Variants in LRRC4B observed in about 807,000 individuals in gnomAD.
LRRC4B encodes the protein leucine rich repeat containing 4B.
In LRRC4B, 1 loss-of-function variant was observed where a neutral mutation model predicts 7.3. The ratio of observed to expected loss-of-function variants is 0.14; its 90% CI spans 0.05 to 0.65. The LOEUF (loss-of-function observed/expected upper bound fraction) is 0.65. LRRC4B is among the 30% of genes least tolerant of loss of function. The pLI, the probability that LRRC4B is intolerant of heterozygous loss-of-function variation, is 0.84. For synonymous variants in LRRC4B, 500 were observed against 499.2 expected (o/e 1.00, Z -0.02); for missense variants, 730 against 1,041.6 (o/e 0.70, Z 4.12).
rs759247963 is a variant in LRRC4B, at chr19:50,518,246, C to T, written c.1467G>A (p.Thr489=). 8 of 1,606,434 alleles carry T rather than the reference C, an allele frequency of 5.0e-6. No homozygotes were observed. The highest frequency in any genetic ancestry group is 1.7e-4 in the Middle Eastern group (1 of 6,052). The change falls in exon 3 of 3, where the codon ACG becomes ACA. Residue 489 remains threonine, a synonymous_variant. Coordinates refer to ENST00000652263, the MANE Select transcript of LRRC4B (RefSeq NM_001080457.2). ...GGSGGYTYFT[T]VTVETLETQP... is the part of the protein sequence containing the mutation. ...GCGTCTCCAGGGTCTCCACGGTCAC[C>T]GTGGTGAAGTAGGTGTAGCCGCCAC...
chr19:50,520,247 AG>A lies in LRRC4B; in HGVS notation c.298-833del, dbSNP rs1568716047. Among the ~76,000 whole-genome samples, 110 of 16,100 alleles carry A rather than the reference AG, an allele frequency of 6.8e-3. 1 individual carries two copies. The highest frequency in any genetic ancestry group is 0.045 in the Middle Eastern group (1 of 22). 10.6% of individuals were successfully genotyped at this position (16,100 alleles called of 152,430 possible). ...AAAAAAAAAAAAAAAAAAAAAAAAA[AG>A]AAGAAAAGAAAAGAAAAATGAACAA... On this transcript the variant is annotated intron_variant, in intron 2 of 2. Coordinates refer to ENST00000652263, the MANE Select transcript of LRRC4B (RefSeq NM_001080457.2).
At chr19:50,551,769 T>C (rs1305036009) in intron 1 of LRRC4B, among the ~76,000 whole-genome samples, 2 of 151,154 alleles carry the variant, frequency 1.3e-5, no homozygotes, top group Non-Finnish European at 3.0e-5. Flanking sequence ...TTGGTCCCTT[T>C]CTCCCCGGCT....
intron 2 of LRRC4B, among the ~76,000 whole-genome samples, chr19:50,530,931 G>GCA (rs372324742): frequency 3.0e-5 from 4 of 132,384 alleles, no homozygotes; most frequent in African/African-American, 1.5e-4. Context: ...AGAAACCTGG[G>GCA]GGGGGGGGGT....
intron 2 of LRRC4B, among the ~76,000 whole-genome samples, chr19:50,520,705 G>A (rs181426088): frequency 2.0e-5 from 3 of 152,010 alleles, no homozygotes; most frequent in Non-Finnish European, 4.4e-5. Flanking sequence ...GGGAGGCCAA[G>A]GTGAGAGGAT....
chr19:50,542,786 A>T (rs559070427), intron 2 of LRRC4B, among the ~76,000 whole-genome samples: 1 of 152,010 alleles, frequency 6.6e-6, no homozygotes, highest in East Asian at 1.9e-4. Context: ...ATGATATTTT[A>T]AAAAACACAT....
chr19:50,538,559 G>GTTTTTTTTTTTTTT (rs71886675), intron 2 of LRRC4B, among the ~76,000 whole-genome samples: 6 of 90,324 alleles, frequency 6.6e-5, no homozygotes, highest in Non-Finnish European at 1.4e-4. Context: ...GTTTTGTCTT[G>GTTTTTTTTTTTTTT]TTTTTTTTTT....
chr19:50,525,078 G>A (rs117533865), intron 2 of LRRC4B, among the ~76,000 whole-genome samples: 191 of 152,312 alleles, frequency 1.3e-3, no homozygotes, highest in Non-Finnish European at 1.8e-3. Flanking sequence ...ACCCATCGCC[G>A]TTCCCCGTGG....
At chr19:50,566,234 G>A (rs1004776132) in intron 1 of LRRC4B, among the ~76,000 whole-genome samples, 1 of 151,990 alleles carries the variant, frequency 6.6e-6, no homozygotes, top group South Asian at 2.1e-4. Flanking sequence ...GACCAGGAGG[G>A]AAGCCGGCTC....
chr19:50,531,450 G>T lies in LRRC4B; in HGVS notation c.298-12035C>A, dbSNP rs1165720647. 2.6e-5 allele frequency among the ~76,000 whole-genome samples: 4 copies of T among 152,338 alleles called. No individual in the cohort carries two copies. In the East Asian group the frequency reaches 5.8e-4, roughly 22 times the overall value. On this transcript the variant is annotated intron_variant, in intron 2 of 2. Transcript: ENST00000652263. ...GCAGTGACCCAGCTGCAGAGGGAAG[G>T]GGGTGTGAAGGGAGATGAAGGGACA...
chr19:50,520,917 T>C (rs1980550669), intron 2 of LRRC4B, among the ~76,000 whole-genome samples: 2 of 152,196 alleles, frequency 1.3e-5, no homozygotes, highest in South Asian at 4.1e-4. Flanking sequence ...TGAAGGCAGA[T>C]GTCCACGCAA....
intron 1 of LRRC4B, among the ~76,000 whole-genome samples, chr19:50,558,200 TACACACAC>T (rs71182737): frequency 1.5e-4 from 22 of 147,592 alleles, no homozygotes; most frequent in African/African-American, 4.7e-4. Context: ...ACTGTATACA[TACACACAC>T]ACACACACAC....
At chr19:50,565,526 C>T (rs1405031545) in intron 1 of LRRC4B, among the ~76,000 whole-genome samples, 3 of 147,230 alleles carry the variant, frequency 2.0e-5, no homozygotes, top group Non-Finnish European at 3.0e-5. Flanking sequence ...TGTGTGCTCT[C>T]GTGTGTGTGT....
At chr19:50,562,436 G>A (rs1982498357) in intron 1 of LRRC4B, among the ~76,000 whole-genome samples, 1 of 152,222 alleles carries the variant, frequency 6.6e-6, no homozygotes, top group Admixed American at 6.5e-5. Flanking sequence ...CCTGGCTCGT[G>A]GCATGCTCTC....
At chr19:50,562,181 T>A (rs1982489701) in intron 1 of LRRC4B, among the ~76,000 whole-genome samples, 1 of 151,724 alleles carries the variant, frequency 6.6e-6, no homozygotes, top group Non-Finnish European at 1.5e-5. Flanking sequence ...CATTCTCCTC[T>A]CTTGGCCTCA....
At chr19:50,566,531 G>A (rs1234473962) in intron 1 of LRRC4B, among the ~76,000 whole-genome samples, 1 of 151,002 alleles carries the variant, frequency 6.6e-6, no homozygotes, top group African/African-American at 2.4e-5. Context: ...GAGCAGAGGT[G>A]AGGAGGTCTG....
rs532216155 is a variant in LRRC4B at position 50,545,721 on chromosome 19, CTT to C, written c.297+2819_297+2820del. Among the ~76,000 whole-genome samples, 157 of 131,950 alleles carry C rather than the reference CTT, an allele frequency of 1.2e-3. 1 individual carries two copies. The highest frequency in any genetic ancestry group is 3.2e-3 in the African/African-American group (111 of 35,234). The allele number at this position is 131,950 out of a possible 152,430, so 86.6% of individuals were successfully genotyped here. ...TATTTGGATAACTAAAGAGTTATTA[CTT>C]TTTTTTTTTTTTTTTTTTTTAAGAC... is the stretch of plus-strand genomic sequence containing the variant. On this transcript the variant is annotated intron_variant, in intron 2 of 2. Transcript: ENST00000652263.
In LRRC4B at chr19:50,533,389, G is replaced by A. The variant is rs146553709; in HGVS notation, c.298-13974C>T. The stretch of plus-strand genomic sequence containing the variant: ...CATGCATACCTAAAGACCAAAGCCA[G>A]TTAATTCTTCTCTTCTCCTCCCAAA... On this transcript the variant is annotated intron_variant, in intron 2 of 2. Transcript: ENST00000652263. 6.8e-3 allele frequency among the ~76,000 whole-genome samples: 1,034 copies of A among 152,212 alleles called. 7 individuals carry two copies. The highest frequency in any genetic ancestry group is 0.011 in the Non-Finnish European group (721 of 68,028).
intron 1 of LRRC4B, among the ~76,000 whole-genome samples, chr19:50,561,564 C>A (rs1270289292): frequency 1.3e-5 from 2 of 151,614 alleles, no homozygotes; most frequent in Non-Finnish European, 2.9e-5. Context: ...TGAGAACCCC[C>A]TCTCTACAAA....
chr19:50,554,680 A>G (rs540522924), intron 1 of LRRC4B, among the ~76,000 whole-genome samples: 1 of 152,310 alleles, frequency 6.6e-6, no homozygotes, highest in African/African-American at 2.4e-5. Context: ...TCCAACACAC[A>G]TCTGGCACTG....
Sources: gnomAD v4.1 joint callset for allele counts (sites outside exome capture counted in the v4.1 genomes callset) on GRCh38, gnomAD v4.1.1 for gene constraint, MANE v1.5 for transcripts, NCBI Gene and HGNC (gene_info 2026-07-23, HGNC 2026-07-21) for gene names.